The following TPM3 variants were observed in gnomAD, a reference collection of about 807,000 sequenced individuals.
TPM3 encodes the protein tropomyosin alpha-3 chain.
A neutral mutation model predicts 43.1 loss-of-function variants in TPM3; 16 were observed. The observed-to-expected ratio is 0.37, with a 90% CI of 0.25 to 0.56. The LOEUF (loss-of-function observed/expected upper bound fraction) is 0.56, where lower values mean the gene tolerates loss of function less well. TPM3 is among the 20% of genes least tolerant of loss of function. The pLI, the probability that TPM3 is intolerant of heterozygous loss-of-function variation, is 0.77. For synonymous variants in TPM3, 101 were observed against 116.9 expected, an observed-to-expected ratio of 0.86 and a Z score of 0.88; for missense variants, 176 against 337.2, an observed-to-expected ratio of 0.52 and a Z score of 3.74.
downstream of TPM3, chr1:154,158,921 G>A: frequency 1.3e-6 from 1 of 777,870 alleles, no homozygotes. Context: ...CCAGGTCAGT[G>A]GTGTGAGCAG....
At chr1:154,157,530 C>A (rs1659932423), downstream of TPM3, 2 of 764,482 alleles carry the variant, frequency 2.6e-6, no homozygotes, top group Middle Eastern at 2.3e-4. Context: ...GAGAAAGCAG[C>A]CTTCCAGTTA....
In TPM3 at chr1:154,191,318, G is replaced by A. The variant is rs1558068601; in HGVS notation, c.118-7C>T. On this transcript the variant is annotated splice_region_variant and splice_polypyrimidine_tract_variant and intron_variant, in intron 1 of 9. Transcript: ENST00000651641. ...CTGCCAGCTCATCCTCCAGCTATAG[G>A]AGCCCAGAGAGTCACACACAAAAAC... 1 of 1,613,776 alleles carries A rather than the reference G, an allele frequency of 6.2e-7. No homozygotes were observed.
rs976834629 is a variant in TPM3 at position 154,164,215 on chromosome 1, G to A, written c.*3722C>T. The stretch of plus-strand genomic sequence containing the variant: ...CTCATTCTGCCACCCAGGATGGAGT[G>A]CAGCAGTGTGATCACAGCTTGCTGC... On this transcript the variant is annotated 3_prime_UTR_variant, in exon 10 of 10. Coordinates refer to ENST00000651641, the MANE Select transcript of TPM3 (RefSeq NM_152263.4). Among the ~76,000 whole-genome samples, 5 of 152,020 alleles carry A rather than the reference G, an allele frequency of 3.3e-5. No homozygotes were observed. The highest frequency in any genetic ancestry group is 5.9e-5 in the Non-Finnish European group (4 of 68,016).
chr1:154,183,398 G>T (rs1663207523), intron 2 of TPM3: 1 of 1,141,262 alleles, frequency 8.8e-7, no homozygotes, highest in Admixed American at 3.0e-5. Context: ...GGGTTGGGAC[G>T]AGGGAGTGTT....
At position 154,169,376 on chromosome 1, in the gene TPM3, G is replaced by A; in HGVS notation, c.783C>T (p.Leu261=). 6.2e-7 allele frequency: 1 copy of A among 1,614,228 alleles called. No individual in the cohort carries two copies. Among genetic ancestry groups the A allele is most frequent in the Non-Finnish European group, 8.5e-7 (1 of 1,180,046 alleles). The change falls in exon 9 of 10, where the codon CTC becomes CTT. Residue 261 remains leucine (L), a synonymous_variant. Transcript: ENST00000651641. The stretch of plus-strand genomic sequence containing the variant: ...CCTTGTACTTCAGTTTCTGGGCATA[G>A]AGCTCATCTGGACAGGCACAGGAAC... The part of the protein sequence containing the change: ...EKTIDDLEDE[L]YAQKLKYKAI...
At chr1:154,182,990 G>C (rs769958214) in intron 2 of TPM3, 16 of 1,610,754 alleles carry the variant, frequency 9.9e-6, no homozygotes, top group Middle Eastern at 4.5e-4. Context: ...CTCCGTACCT[G>C]TTCCCGGGCC....
At chr1:154,190,973 A>T (rs1558068247) in intron 2 of TPM3, among the ~76,000 whole-genome samples, 4 of 151,498 alleles carry the variant, frequency 2.6e-5, no homozygotes, top group African/African-American at 7.3e-5. Flanking sequence ...TACATGTATT[A>T]AAAAAAAACT....
intron 2 of TPM3, among the ~76,000 whole-genome samples, chr1:154,179,957 G>C (rs1464027963): frequency 6.6e-6 from 1 of 151,966 alleles, no homozygotes; most frequent in Non-Finnish European, 1.5e-5. Flanking sequence ...AAGGTGAACT[G>C]TACATTTATA....
downstream of TPM3, chr1:154,155,730 A>G: frequency 4.4e-6 from 1 of 226,436 alleles, no homozygotes; most frequent in East Asian, 6.4e-5. Context: ...GATCAGCATT[A>G]TATATTGTTT....
chr1:154,183,390 G>T (rs1663206103), intron 2 of TPM3: 4 of 1,191,388 alleles, frequency 3.4e-6, no homozygotes, highest in Non-Finnish European at 4.5e-6. Flanking sequence ...CTGGGACGGG[G>T]TTGGGACGAG....
At chr1:154,191,343 C>T (rs753234003) in intron 1 of TPM3, 32 bp from the exon 2 acceptor site, 2 of 1,613,338 alleles carry the variant, frequency 1.2e-6, no homozygotes, top group Non-Finnish European at 1.7e-6. Flanking sequence ...CACACAAAAA[C>T]ACACAAACAC....
chr1:154,183,387 G>A, intron 2 of TPM3: 3 of 1,221,146 alleles, frequency 2.5e-6, no homozygotes, highest in Non-Finnish European at 3.3e-6. Flanking sequence ...AAACTGGGAC[G>A]GGGTTGGGAC....
chr1:154,168,916 C>T (rs1040916677), intron 9 of TPM3, among the ~76,000 whole-genome samples: 3 of 151,276 alleles, frequency 2.0e-5, no homozygotes, highest in Non-Finnish European at 4.4e-5. Flanking sequence ...CTCACTGTAA[C>T]CTCTGCCTCC....
chr1:154,183,124 C>G, intron 2 of TPM3: 16 of 1,598,200 alleles, frequency 1.0e-5, no homozygotes, highest in Non-Finnish European at 1.4e-5. Context: ...AGCCATGGTG[C>G]CCACCCAGCT....
In TPM3 at chr1:154,167,342, C is replaced by A; in HGVS notation, c.*595G>T. ...GGGTTCACTGGGTGTTCTGAGGATGCACCATTTGAACCACCGGTAAAAGGG... is the reference window on the plus strand; with the variant it reads ...GGGTTCACTGGGTGTTCTGAGGATGAACCATTTGAACCACCGGTAAAAGGG... On this transcript the variant is annotated 3_prime_UTR_variant, in exon 10 of 10. Transcript: ENST00000651641. The A allele has an allele frequency of 9.5e-7, 1 of 1,057,178 alleles. No individual in the cohort carries two copies. The highest frequency in any genetic ancestry group is 1.1e-6 in the Non-Finnish European group (1 of 874,382). 65.5% of individuals were successfully genotyped at this position (1,057,178 alleles called of 1,614,324 possible). A position where few individuals can be genotyped will look rare whatever the true frequency, so the allele number is the denominator to read the frequency against.
downstream of TPM3, chr1:154,159,197 G>A (rs1031628105): frequency 4.5e-6 from 3 of 665,550 alleles, no homozygotes; most frequent in Non-Finnish European, 8.3e-6. Flanking sequence ...TGTAAGGCAG[G>A]GTGGATGCAA....
At chr1:154,176,329 T>C in intron 2 of TPM3, 81 bp from the exon 3 acceptor site, 1 of 1,603,302 alleles carries the variant, frequency 6.2e-7, no homozygotes, top group Non-Finnish European at 8.5e-7. Flanking sequence ...AGATCAGGGT[T>C]GACTACCATG....
At chr1:154,157,877 T>G (rs1367607398), downstream of TPM3, among the ~76,000 whole-genome samples, 2 of 152,208 alleles carry the variant, frequency 1.3e-5, no homozygotes, top group Non-Finnish European at 2.9e-5. Context: ...CCCAGTTTTG[T>G]AGGGCCTTTG....
At position 154,162,375 on chromosome 1, in the gene TPM3, A is replaced by AC. The variant is rs1660471803; in HGVS notation, c.*5561_*5562insG. 6.6e-6 allele frequency among the ~76,000 whole-genome samples: 1 copy of AC among 151,400 alleles called. No individual in the cohort carries two copies. Among genetic ancestry groups the AC allele is most frequent in the Non-Finnish European group, 1.5e-5 (1 of 67,844 alleles). ...GCAAGACTCCGTCTCAAAAAAAAAA[A>AC]AAAAAAAAAACACAAACCAACCCCA... On this transcript the variant is annotated 3_prime_UTR_variant, in exon 10 of 10. Transcript: ENST00000651641.
Sources: allele counts gnomAD v4.1 joint callset (sites outside exome capture counted in the v4.1 genomes callset), GRCh38; gene constraint gnomAD v4.1.1; transcripts MANE v1.5; gene names NCBI Gene and HGNC (gene_info 2026-07-23, HGNC 2026-07-21).